The following ST3GAL3 variants were observed in gnomAD, a reference collection of about 807,000 sequenced individuals.
The protein encoded by ST3GAL3 is ST3 beta-galactoside alpha-2,3-sialyltransferase 3, also known as CMP-N-acetylneuraminate-beta-1,4-galactoside alpha-2,3-sialyltransferase.
Under a neutral mutation model 50.1 loss-of-function variants are expected in ST3GAL3, and 21 were observed. The observed-to-expected ratio is 0.42, with a 90% confidence interval of 0.30 to 0.60. The LOEUF (loss-of-function observed/expected upper bound fraction) is 0.60, where lower values mean the gene tolerates loss of function less well. Among genes scored for constraint, ST3GAL3 ranks in the 20% least tolerant of loss-of-function variants. ST3GAL3 has a pLI of 0.19. For missense variants in ST3GAL3, 353 were observed against 489.4 expected (o/e 0.72, Z 2.63); for synonymous variants, 183 against 190.0 (o/e 0.96, Z 0.30).
chr1:43,810,518 T>C (rs962555593), intron 3 of ST3GAL3, among the ~76,000 whole-genome samples: 19 of 152,216 alleles, frequency 1.2e-4, no homozygotes, highest in African/African-American at 4.6e-4. Flanking sequence ...CTGGGAGATT[T>C]ACTAGCTCTT....
intron 9 of ST3GAL3, among the ~76,000 whole-genome samples, chr1:43,917,473 A>T (rs113602244): frequency 5.2e-4 from 43 of 82,718 alleles, no homozygotes; most frequent in African/African-American, 1.8e-3. Flanking sequence ...TATAATATAT[A>T]ATATATATAA....
intron 5 of ST3GAL3, among the ~76,000 whole-genome samples, chr1:43,864,282 G>A (rs1347002045): frequency 6.6e-6 from 1 of 151,786 alleles, no homozygotes; most frequent in Non-Finnish European, 1.5e-5. Flanking sequence ...CTGTCTCAGG[G>A]AAAAAAAACA....
chr1:43,857,804 C>T (rs1334707509), intron 5 of ST3GAL3, among the ~76,000 whole-genome samples: 4 of 151,966 alleles, frequency 2.6e-5, no homozygotes, highest in Admixed American at 6.6e-5. Flanking sequence ...TTAGTAGAAG[C>T]GGGGTTTCAC....
intron 2 of ST3GAL3, among the ~76,000 whole-genome samples, chr1:43,759,065 G>GCGCGCGCACACACACA: frequency 1.3e-5 from 1 of 75,452 alleles, no homozygotes; most frequent in East Asian, 3.3e-4. Flanking sequence ...AAAAGCGCGC[G>GCGCGCGCACACACACA]CACACACACA....
chr1:43,835,372 G>C (rs1170706857), intron 4 of ST3GAL3, among the ~76,000 whole-genome samples: 1 of 152,142 alleles, frequency 6.6e-6, no homozygotes, highest in Non-Finnish European at 1.5e-5. Flanking sequence ...CACTGGGATA[G>C]TCAGGAGGCC....
chr1:43,885,427 CTGCCTCGCG>C (rs1012514338), intron 5 of ST3GAL3, among the ~76,000 whole-genome samples: 4 of 152,190 alleles, frequency 2.6e-5, no homozygotes, highest in South Asian at 4.1e-4. Context: ...GATCCTGAGG[CTGCCTCGCG>C]TGCCGGGGTG....
intron 3 of ST3GAL3, among the ~76,000 whole-genome samples, chr1:43,813,451 T>G (rs573256036): frequency 2.9e-4 from 44 of 152,366 alleles, no homozygotes; most frequent in African/African-American, 9.6e-4. Context: ...TTAAGGCAAG[T>G]CTTTCATCCA....
intron 5 of ST3GAL3, among the ~76,000 whole-genome samples, chr1:43,872,763 C>T (rs764023559): frequency 2.0e-5 from 3 of 151,978 alleles, no homozygotes; most frequent in Non-Finnish European, 4.4e-5. Flanking sequence ...ATAAGGTGTA[C>T]AGTATTTTAG....
At chr1:43,740,105 T>C (rs1001999828) in intron 2 of ST3GAL3, among the ~76,000 whole-genome samples, 1 of 152,134 alleles carries the variant, frequency 6.6e-6, no homozygotes, top group African/African-American at 2.4e-5. Context: ...GGCTCACACC[T>C]GTAATCCCAG....
In ST3GAL3 at chr1:43,920,773, G is replaced by A. The variant is rs80055718; in HGVS notation, c.892-9G>A. ...CATGCCTTCTCTCACCCCTGCCCCC[G>A]TCTTCTAGAACATCCCTACCCTTGG... On this transcript the variant is annotated splice_polypyrimidine_tract_variant and intron_variant, in intron 10 of 11. Coordinates refer to ENST00000347631, the MANE Select transcript of ST3GAL3 (RefSeq NM_006279.5). The A allele has an allele frequency of 0.058, 93,529 of 1,614,058 alleles. 3,083 individuals are homozygous for A. The highest frequency in any genetic ancestry group is 0.067 in the Non-Finnish European group (79,221 of 1,179,976).
rs148364295 is a variant in ST3GAL3, at chr1:43,719,934, GAAAAAAAAAAAAAA to G, written c.-31+12257_-31+12270del. On this transcript the variant is annotated intron_variant, in intron 1 of 11. Transcript: ENST00000347631. ...AGCAACAGAGCAAGACTCTGTCTCA[GAAAAAAAAAAAAAA>G]AAAAAAAAAAAAAAAGAATAAGCAG... is the stretch of plus-strand genomic sequence containing the variant. Among the ~76,000 whole-genome samples the G allele has an allele frequency of 2.1e-3, 87 of 41,738 alleles. 1 individual carries two copies. The East Asian group carries it at 0.052, about 25-fold the overall frequency. 27.4% of individuals were successfully genotyped at this position (41,738 alleles called of 152,430 possible).
Position 43,713,522 on chromosome 1 carries a change from A to ATTT in ST3GAL3, c.-31+5848_-31+5850dup, listed in dbSNP as rs556526111. ...TACCTAAAGATGCCAACGTTGTGGGATTTTTTTTTTTTTTTTTTTTTGAGA... is the reference window on the plus strand; with the variant it reads ...TACCTAAAGATGCCAACGTTGTGGGATTTTTTTTTTTTTTTTTTTTTTTTGAGA... On this transcript the variant is annotated intron_variant, in intron 1 of 11. Coordinates refer to ENST00000347631, the MANE Select transcript of ST3GAL3 (RefSeq NM_006279.5). 9.6e-3 allele frequency among the ~76,000 whole-genome samples: 1,166 copies of ATTT among 122,060 alleles called. 36 individuals carry two copies. The highest frequency in any genetic ancestry group is 0.053 in the East Asian group (219 of 4,144). 80.1% of individuals were successfully genotyped at this position (122,060 alleles called of 152,430 possible).
chr1:43,765,766 TGTGTGTGTGTGTGTGTGTGC>T (rs1692408164), intron 2 of ST3GAL3, among the ~76,000 whole-genome samples: 1 of 140,838 alleles, frequency 7.1e-6, no homozygotes, highest in Admixed American at 6.8e-5. Context: ...TGTGTGTGTG[TGTGTGTGTGTGTGTGTGTGC>T]GCGCGCGCGC....
At chr1:43,869,028 T>C (rs575051608) in intron 5 of ST3GAL3, among the ~76,000 whole-genome samples, 7 of 152,298 alleles carry the variant, frequency 4.6e-5, no homozygotes, top group Admixed American at 2.0e-4. Flanking sequence ...GCTGCCTCTT[T>C]GGGCCTATCT....
At chr1:43,905,165 CT>C in intron 9 of ST3GAL3, among the ~76,000 whole-genome samples, 1 of 131,224 alleles carries the variant, frequency 7.6e-6, no homozygotes. Context: ...CACTCTTCTC[CT>C]CCCCCTCCTC....
rs145802125 is a variant in ST3GAL3, at chr1:43,887,233, G to C, written c.303-7150G>C. Among the ~76,000 whole-genome samples the C allele has an allele frequency of 5.9e-5, 9 of 152,300 alleles. No homozygotes were observed. In the East Asian group the frequency reaches 1.7e-3, roughly 29 times the overall value. ...TGCACTTTAGTGTATATGTGTGTGT[G>C]TTCTCGCAGCCCCTCAAGTATAAAA... On this transcript the variant is annotated intron_variant, in intron 5 of 11. Transcript: ENST00000347631.
At chr1:43,774,053 G>A (rs1696287067) in intron 2 of ST3GAL3, among the ~76,000 whole-genome samples, 1 of 151,638 alleles carries the variant, frequency 6.6e-6, no homozygotes, top group South Asian at 2.1e-4. Flanking sequence ...GAGAGGGTGA[G>A]CTGTTTCTAA....
At chr1:43,769,734 T>C (rs182070580) in intron 2 of ST3GAL3, among the ~76,000 whole-genome samples, 4 of 152,288 alleles carry the variant, frequency 2.6e-5, no homozygotes, top group African/African-American at 9.6e-5. Flanking sequence ...TCCGGGAAAC[T>C]ACATAAGAAA....
At chr1:43,744,257 T>C (rs1457101992) in intron 2 of ST3GAL3, among the ~76,000 whole-genome samples, 13 of 152,104 alleles carry the variant, frequency 8.5e-5, no homozygotes, top group Non-Finnish European at 7.4e-5. Flanking sequence ...TCAAGCATCT[T>C]CTTTTTTTTT....
Sources: gnomAD v4.1 joint callset for allele counts (sites outside exome capture counted in the v4.1 genomes callset) on GRCh38, gnomAD v4.1.1 for gene constraint, MANE v1.5 for transcripts, NCBI Gene and HGNC (gene_info 2026-07-23, HGNC 2026-07-21) for gene names.